OSBPL9: variants seen among roughly 807,000 people sequenced by gnomAD.
OSBPL9 encodes the protein oxysterol binding protein like 9, also known as oxysterol-binding protein-related protein 9.
Under a neutral mutation model 106.6 loss-of-function variants are expected in OSBPL9, and 40 were observed. The observed-to-expected ratio is 0.38, with a 90% CI of 0.29 to 0.49. The LOEUF is 0.49. OSBPL9 is among the 20% of genes least tolerant of loss of function. The pLI is 0.97. For synonymous variants in OSBPL9, 269 were observed against 295.4 expected (o/e 0.91, Z 0.92); for missense variants, 609 against 887.2 (o/e 0.69, Z 3.98).
At chr1:51,688,726 G>GT (rs1315275290) in intron 3 of OSBPL9, among the ~76,000 whole-genome samples, 1 of 152,100 alleles carries the variant, frequency 6.6e-6, no homozygotes, top group Non-Finnish European at 1.5e-5. Flanking sequence ...ATAAATCATT[G>GT]TAAGTCCTAA....
intron 11 of OSBPL9, among the ~76,000 whole-genome samples, chr1:51,764,814 G>A (rs1672236602): frequency 6.6e-6 from 1 of 152,050 alleles, no homozygotes; most frequent in Non-Finnish European, 1.5e-5. Context: ...TGAACTCCTG[G>A]CCTCAAGCAG....
rs1213733381 is a variant in OSBPL9 at position 51,684,925 on chromosome 1, T to G, written c.241+15413T>G. ...CACTGCTCTTCTTCTTTTTTTTTTT[T>G]TTTTGCAAGAGAATCTAGCTCTGTC... is the stretch of plus-strand genomic sequence containing the variant. On this transcript the variant is annotated intron_variant, in intron 3 of 23. Coordinates refer to ENST00000428468, the MANE Select transcript of OSBPL9 (RefSeq NM_024586.6). 2.0e-5 allele frequency among the ~76,000 whole-genome samples: 3 copies of G among 151,338 alleles called. No homozygotes were observed. The East Asian group carries it at 5.8e-4, about 29-fold the overall frequency.
At chr1:51,699,949 C>T (rs1656880734) in intron 3 of OSBPL9, among the ~76,000 whole-genome samples, 1 of 152,158 alleles carries the variant, frequency 6.6e-6, no homozygotes. Context: ...ATGCTGATAC[C>T]TCCAGTTACA....
At chr1:51,530,180 A>AAAAAAAAAAAAAAAC in the OSBPL9 span, among the ~76,000 whole-genome samples, 1 of 114,428 alleles carries the variant, frequency 8.7e-6, no homozygotes, top group Non-Finnish European at 1.8e-5. Flanking sequence ...CAAAAAAAAA[A>AAAAAAAAAAAAAAAC]AAAAAAAAAA....
At chr1:51,781,073 C>T in intron 15 of OSBPL9, 91 bp from the exon 16 acceptor site, 1 of 1,254,684 alleles carries the variant, frequency 8.0e-7, no homozygotes, top group South Asian at 1.4e-5. Context: ...GTCCTCTCAG[C>T]CTGACTTAGG....
At chr1:51,733,983 C>T (rs1019007115) in intron 4 of OSBPL9, among the ~76,000 whole-genome samples, 3 of 152,078 alleles carry the variant, frequency 2.0e-5, no homozygotes, top group Non-Finnish European at 2.9e-5. Flanking sequence ...TGAGCTCATT[C>T]CAGATGATTA....
At chr1:51,762,363 A>G (rs1671709146) in intron 11 of OSBPL9, among the ~76,000 whole-genome samples, 1 of 151,974 alleles carries the variant, frequency 6.6e-6, no homozygotes, top group Admixed American at 6.6e-5. Flanking sequence ...GAGTCTCCCT[A>G]TGTTGCTCAG....
chr1:51,703,894 CAT>C (rs1215122668), intron 3 of OSBPL9, among the ~76,000 whole-genome samples: 3 of 152,168 alleles, frequency 2.0e-5, no homozygotes, highest in Non-Finnish European at 2.9e-5. Flanking sequence ...TTGAGATAAT[CAT>C]GTGGTTTTTG....
chr1:51,723,161 T>C (rs1662460871), intron 4 of OSBPL9, among the ~76,000 whole-genome samples: 1 of 152,190 alleles, frequency 6.6e-6, no homozygotes, highest in Admixed American at 6.5e-5. Context: ...TCATTATCAC[T>C]CAAGGTCCGT....
intron 14 of OSBPL9, among the ~76,000 whole-genome samples, chr1:51,774,438 T>G (rs1307594668): frequency 6.6e-6 from 1 of 152,232 alleles, no homozygotes; most frequent in African/African-American, 2.4e-5. Flanking sequence ...TTGGTTCCTT[T>G]TATGCATTCC....
chr1:51,780,982 T>C (rs1676250811), intron 15 of OSBPL9, among the ~76,000 whole-genome samples, 182 bp from the exon 16 acceptor site: 6 of 152,132 alleles, frequency 3.9e-5, no homozygotes, highest in Admixed American at 3.9e-4. Flanking sequence ...AAAAAACCAC[T>C]AAGACCAATG....
chr1:51,676,261 C>G (rs188828388), intron 3 of OSBPL9, among the ~76,000 whole-genome samples: 3 of 152,114 alleles, frequency 2.0e-5, no homozygotes, highest in Admixed American at 6.5e-5. Flanking sequence ...GAAACCCCGT[C>G]TCTACTACAA....
intron 1 of OSBPL9, among the ~76,000 whole-genome samples, chr1:51,587,183 T>C (rs1432265793): frequency 6.6e-6 from 1 of 152,032 alleles, no homozygotes; most frequent in Non-Finnish European, 1.5e-5. Flanking sequence ...CTGGCCAACA[T>C]GAGAAACCCC....
chr1:51,603,902 G>T (rs2148604396), intron 2 of OSBPL9, among the ~76,000 whole-genome samples: 1 of 152,234 alleles, frequency 6.6e-6, no homozygotes, highest in Middle Eastern at 3.4e-3. Flanking sequence ...ACCATAGTGG[G>T]CAATTGGACC....
At chr1:51,726,434 C>A (rs1447757639) in intron 4 of OSBPL9, among the ~76,000 whole-genome samples, 10 of 152,094 alleles carry the variant, frequency 6.6e-5, no homozygotes, top group Admixed American at 6.5e-4. Flanking sequence ...TCTTCCATTG[C>A]TACCAAAGCA....
At chr1:51,605,326 C>T (rs1329915726) in intron 2 of OSBPL9, among the ~76,000 whole-genome samples, 2 of 152,174 alleles carry the variant, frequency 1.3e-5, no homozygotes, top group African/African-American at 4.8e-5. Flanking sequence ...AGCAGTGGCT[C>T]ACACCTGCAA....
At chr1:51,779,368 A>G (rs1450176354) in intron 15 of OSBPL9, among the ~76,000 whole-genome samples, 2 of 152,236 alleles carry the variant, frequency 1.3e-5, no homozygotes, top group African/African-American at 2.4e-5. Context: ...ATGAAATTGG[A>G]TCCACATCAC....
In OSBPL9 at chr1:51,617,106, C is replaced by T. The variant is rs763418013; in HGVS notation, c.-5C>T. 4.4e-6 allele frequency: 7 copies of T among 1,608,122 alleles called. No homozygotes were observed. The highest frequency in any genetic ancestry group is 5.9e-6 in the Non-Finnish European group (7 of 1,177,622). On this transcript the variant is annotated 5_prime_UTR_variant, in exon 1 of 24. Coordinates refer to ENST00000428468, the MANE Select transcript of OSBPL9 (RefSeq NM_024586.6). Reference sequence around the variant, plus strand: ...GGCCGTTTGTTGTCATTGGCGGCTCCCAAGATGGCGTCCATCATGGAAGGG... The same window carrying T: ...GGCCGTTTGTTGTCATTGGCGGCTCTCAAGATGGCGTCCATCATGGAAGGG...
chr1:51,600,596 G>T (rs1406451908), intron 2 of OSBPL9, among the ~76,000 whole-genome samples: 1 of 151,984 alleles, frequency 6.6e-6, no homozygotes, highest in Non-Finnish European at 1.5e-5. Context: ...TAAGTATTAT[G>T]GGCCCTAAGC....
Sources: gnomAD v4.1 joint callset for allele counts (sites outside exome capture counted in the v4.1 genomes callset) on GRCh38, gnomAD v4.1.1 for gene constraint, MANE v1.5 for transcripts, NCBI Gene and HGNC (gene_info 2026-07-23, HGNC 2026-07-21) for gene names.